The following GIMAP1 variants were observed in gnomAD, a reference collection of about 807,000 sequenced individuals.
GIMAP1 encodes GTPase, IMAP family member 1, also known as GTPase IMAP family member 1.
For synonymous variants in GIMAP1, 230 were observed against 187.7 expected (o/e 1.23, Z -1.84); for missense variants, 423 against 411.9 (o/e 1.03, Z -0.23).
Position 150,720,628 on chromosome 7 carries a change from C to T in GIMAP1, c.624C>T (p.Val208=), listed in dbSNP as rs769306361. 3.9e-5 allele frequency: 63 copies of T among 1,612,764 alleles called. No individual in the cohort carries two copies. Among genetic ancestry groups the T allele is most frequent in the Middle Eastern group, 1.7e-4 (1 of 6,050 alleles). Residue 208 remains valine (V), a synonymous_variant, in exon 3 of 3, where the codon GTC becomes GTT. Transcript: ENST00000307194. The surrounding 1 kb of genome is among the most constrained non-coding windows in gnomAD (Gnocchi z 4.5). The part of the protein sequence containing the change: ...EAQVEQLLGM[V]EGLVLEHKGA... ...AGGTGGAGCAGCTGCTGGGGATGGT[C>T]GAGGGCTTGGTGCTGGAGCACAAGG...
Position 150,720,248 on chromosome 7 carries a change from G to C in GIMAP1, c.244G>C (p.Asp82His). The change falls in exon 3 of 3, where the codon GAC becomes CAC. Residue 82 changes from aspartate to histidine, a missense_variant. Coordinates refer to ENST00000307194, the MANE Select transcript of GIMAP1 (RefSeq NM_130759.4). This position sits in a 1 kb window ranked among gnomAD's most constrained non-coding sequence, Gnocchi z 4.5. ...RWDKCHVEVV[D>H]TPDIFSSQVS... ...GGACAAGTGCCACGTGGAAGTCGTG[G>C]ACACTCCGGACATTTTCAGCTCCCA... The C allele has an allele frequency of 3.1e-6, 5 of 1,614,182 alleles. No homozygotes were observed. The highest frequency in any genetic ancestry group is 4.2e-6 in the Non-Finnish European group (5 of 1,180,032).
In GIMAP1 at chr7:150,720,709, C is replaced by T. The variant is rs1797287916; in HGVS notation, c.705C>T (p.Gly235=). ...YELAQVLRWA[G]PEERLRRVAE... is the part of the protein sequence containing the mutation. Reference sequence around the variant, plus strand: ...TGGCGCAGGTGCTGCGCTGGGCAGGCCCTGAGGAGCGGCTCCGGCGGGTGG... The same window carrying T: ...TGGCGCAGGTGCTGCGCTGGGCAGGTCCTGAGGAGCGGCTCCGGCGGGTGG... The change falls in exon 3 of 3, where the codon GGC becomes GGT. Residue 235 remains glycine, a synonymous_variant. Transcript: ENST00000307194. This position sits in a 1 kb window ranked among gnomAD's most constrained non-coding sequence, Gnocchi z 4.5. 1.9e-6 allele frequency: 3 copies of T among 1,579,924 alleles called. No homozygotes were observed.
In GIMAP1 at chr7:150,720,356, G is replaced by T. The variant is rs1208825151; in HGVS notation, c.352G>T (p.Val118Leu). 1 of 1,610,914 alleles carries T rather than the reference G, an allele frequency of 6.2e-7. No individual in the cohort carries two copies. Among genetic ancestry groups the T allele is most frequent in the Admixed American group, 1.7e-5 (1 of 59,792 alleles). The change falls in exon 3 of 3, where the codon GTG (valine) becomes TTG (leucine). Residue 118 changes from valine to leucine, a missense_variant. Coordinates refer to ENST00000307194, the MANE Select transcript of GIMAP1 (RefSeq NM_130759.4). The surrounding 1 kb of genome is among the most constrained non-coding windows in gnomAD (Gnocchi z 4.5). ...CCCCGGACCCCACGCGCTGCTCCTG[G>T]TGACCCAGTTGGGTCGGTTCACCGC... is the stretch of plus-strand genomic sequence containing the variant. ...SAPGPHALLL[V>L]TQLGRFTAQD...
intron 1 of GIMAP1, 46 bp from the exon 2 acceptor site, chr7:150,718,996 A>G: frequency 6.2e-7 from 1 of 1,612,538 alleles, no homozygotes; most frequent in Non-Finnish European, 8.5e-7. Context: ...TGCCTATTTG[A>G]GGAATAAATA....
rs900885355 is a variant in GIMAP1, at chr7:150,722,364, G to A, written c.*1439G>A. The A allele has an allele frequency of 3.9e-5, 6 of 153,038 alleles. No homozygotes were observed. Among genetic ancestry groups the A allele is most frequent in the African/African-American group, 1.2e-4 (5 of 41,490 alleles). The allele number at this position is 153,038 out of a possible 1,614,324, so 9.5% of individuals were successfully genotyped here. ...CAGCTCAGGCTAAGGACTGCAGGAG[G>A]TTCCAGGTGGGTTGCGGGCTTCGGG... On this transcript the variant is annotated 3_prime_UTR_variant, in exon 3 of 3. Coordinates refer to ENST00000307194, the MANE Select transcript of GIMAP1 (RefSeq NM_130759.4).
At position 150,724,078 on chromosome 7, in the gene GIMAP1, T is replaced by C. The variant is rs1035426993; in HGVS notation, c.*3153T>C. 6.6e-5 allele frequency: 10 copies of C among 152,146 alleles called. No individual in the cohort carries two copies. The highest frequency in any genetic ancestry group is 3.9e-4 in the Admixed American group (6 of 15,272). 9.4% of individuals were successfully genotyped at this position (152,146 alleles called of 1,614,324 possible). A position where few individuals can be genotyped will look rare whatever the true frequency, so the allele number is the denominator to read the frequency against. ...CAGTAGCCCTAGCAAATGCCAGTGCTCCTTCCAGAGATTCACCTATGGATT... is the reference window on the plus strand; with the variant it reads ...CAGTAGCCCTAGCAAATGCCAGTGCCCCTTCCAGAGATTCACCTATGGATT... On this transcript the variant is annotated 3_prime_UTR_variant, in exon 3 of 3. Coordinates refer to ENST00000307194, the MANE Select transcript of GIMAP1 (RefSeq NM_130759.4).
chr7:150,720,576 G>A lies in GIMAP1; in HGVS notation c.572G>A (p.Arg191Gln), dbSNP rs563802143. The A allele has an allele frequency of 3.9e-4, 634 of 1,613,728 alleles. 6 individuals are homozygous for A. In the South Asian group the frequency reaches 4.8e-3, roughly 12 times the overall value. ...GGCCGGGTCTGTGCCTTTGATAACC[G>A]GGCCACCGGCCGGGAGCAGGAAGCC... ...CGGRVCAFDN[R>Q]ATGREQEAQV... is the part of the protein sequence containing the mutation. Residue 191 changes from arginine to glutamine, a missense_variant, in exon 3 of 3, where the codon CGG becomes CAG. Arg to Gln is a conservative substitution (Grantham distance 43). Coordinates refer to ENST00000307194, the MANE Select transcript of GIMAP1 (RefSeq NM_130759.4). This position sits in a 1 kb window ranked among gnomAD's most constrained non-coding sequence, Gnocchi z 4.5.
chr7:150,717,437 G>A (rs574819815), intron 1 of GIMAP1, among the ~76,000 whole-genome samples: 2 of 152,240 alleles, frequency 1.3e-5, no homozygotes, highest in Admixed American at 6.5e-5. Flanking sequence ...ACATTTGAGC[G>A]GTGAAGAACT....
Position 150,719,174 on chromosome 7 carries a change from G to T in GIMAP1, c.43+84G>T, listed in dbSNP as rs1797257865. The T allele has an allele frequency of 6.4e-6, 10 of 1,571,380 alleles. 1 individual carries two copies. The South Asian group carries it at 1.1e-4, about 18-fold the overall frequency. On this transcript the variant is annotated intron_variant, in intron 2 of 2. Coordinates refer to ENST00000307194, the MANE Select transcript of GIMAP1 (RefSeq NM_130759.4). ...AGGAGAATGGGGCTTCCTCAAGACT[G>T]AACAGAGATAAGTTCCAGAGGTGTC...
chr7:150,718,594 AT>A (rs1401954937), intron 1 of GIMAP1, among the ~76,000 whole-genome samples: 3 of 152,198 alleles, frequency 2.0e-5, no homozygotes, highest in South Asian at 2.1e-4. Flanking sequence ...GTGATATAGA[AT>A]CACCCAGGGA....
Position 150,721,037 on chromosome 7 carries a change from T to C in GIMAP1, c.*112T>C. 1 of 1,069,160 alleles carries C rather than the reference T, an allele frequency of 9.4e-7. No individual in the cohort carries two copies. The highest frequency in any genetic ancestry group is 1.3e-6 in the Non-Finnish European group (1 of 791,794). The allele number at this position is 1,069,160 out of a possible 1,614,324, so 66.2% of individuals were successfully genotyped here. A position where few individuals can be genotyped will look rare whatever the true frequency, so the allele number is the denominator to read the frequency against. The stretch of plus-strand genomic sequence containing the variant: ...AATCCTGTAGTTTCAGGCATAGTTT[T>C]AATGACACAGAAAACTTTGCTGCAT... On this transcript the variant is annotated 3_prime_UTR_variant, in exon 3 of 3. Transcript: ENST00000307194.
At position 150,721,823 on chromosome 7, in the gene GIMAP1, GAA is replaced by G. The variant is rs1667398309; in HGVS notation, c.*902_*903del. 6.7e-6 allele frequency: 1 copy of G among 149,786 alleles called. No individual in the cohort carries two copies. The highest frequency in any genetic ancestry group is 2.5e-5 in the African/African-American group (1 of 40,586). The allele number at this position is 149,786 out of a possible 1,614,324, so 9.3% of individuals were successfully genotyped here. A position where few individuals can be genotyped will look rare whatever the true frequency, so the allele number is the denominator to read the frequency against. On this transcript the variant is annotated 3_prime_UTR_variant, in exon 3 of 3. Coordinates refer to ENST00000307194, the MANE Select transcript of GIMAP1 (RefSeq NM_130759.4). ...AAAAAAAAAGAAAAGAAAAGAAAAA[GAA>G]AAAGAGTAGGATATTGGGAAAATAA...
rs991606202 is a variant in GIMAP1, at chr7:150,722,021, A to G, written c.*1096A>G. On this transcript the variant is annotated 3_prime_UTR_variant, in exon 3 of 3. Transcript: ENST00000307194. ...TGAGCATCCTATGCTGTGAGGCGAA[A>G]GCATCCGGTTTTTTCGGGATGGGCC... 2.0e-5 allele frequency: 3 copies of G among 152,208 alleles called. No individual in the cohort carries two copies. The highest frequency in any genetic ancestry group is 1.3e-4 in the Admixed American group (2 of 15,276). The allele number at this position is 152,208 out of a possible 1,614,324, so 9.4% of individuals were successfully genotyped here.
intron 2 of GIMAP1, chr7:150,719,376 C>T: frequency 2.6e-6 from 1 of 389,092 alleles, no homozygotes; most frequent in Non-Finnish European, 4.6e-6. Context: ...TCATGCACTA[C>T]AGTGAACATG....
chr7:150,723,037 A>G lies in GIMAP1; in HGVS notation c.*2112A>G, dbSNP rs1339177083. The G allele has an allele frequency of 6.6e-6, 1 of 152,220 alleles. No individual in the cohort carries two copies. The highest frequency in any genetic ancestry group is 1.9e-4 in the East Asian group (1 of 5,196). 9.4% of individuals were successfully genotyped at this position (152,220 alleles called of 1,614,324 possible). A position where few individuals can be genotyped will look rare whatever the true frequency, so the allele number is the denominator to read the frequency against. On this transcript the variant is annotated 3_prime_UTR_variant, in exon 3 of 3. Coordinates refer to ENST00000307194, the MANE Select transcript of GIMAP1 (RefSeq NM_130759.4). ...TACCTCAGTAATAAAAAGTAGTAGT[A>G]TATGGTTAATTGTCAAATACATTTG... is the stretch of plus-strand genomic sequence containing the variant.
rs768610044 is a variant in GIMAP1, at chr7:150,720,715, G to A, written c.711G>A (p.Glu237=). The change falls in exon 3 of 3, where the codon GAG becomes GAA. Residue 237 remains glutamate (E), a synonymous_variant. Coordinates refer to ENST00000307194, the MANE Select transcript of GIMAP1 (RefSeq NM_130759.4). This position sits in a 1 kb window ranked among gnomAD's most constrained non-coding sequence, Gnocchi z 4.5. Reference sequence around the variant, plus strand: ...AGGTGCTGCGCTGGGCAGGCCCTGAGGAGCGGCTCCGGCGGGTGGCGGAGC... The same window carrying A: ...AGGTGCTGCGCTGGGCAGGCCCTGAAGAGCGGCTCCGGCGGGTGGCGGAGC... ...LAQVLRWAGP[E]ERLRRVAERV... is the part of the protein sequence containing the mutation. 4 of 1,578,382 alleles carry A rather than the reference G, an allele frequency of 2.5e-6. No homozygotes were observed. The highest frequency in any genetic ancestry group is 1.9e-5 in the Admixed American group (1 of 53,992).
Position 150,723,303 on chromosome 7 carries a change from G to A in GIMAP1, c.*2378G>A, listed in dbSNP as rs1797334240. 1 of 151,582 alleles carries A rather than the reference G, an allele frequency of 6.6e-6. No individual in the cohort carries two copies. Among genetic ancestry groups the A allele is most frequent in the African/African-American group, 2.4e-5 (1 of 41,244 alleles). The allele number at this position is 151,582 out of a possible 1,614,324, so 9.4% of individuals were successfully genotyped here. A position where few individuals can be genotyped will look rare whatever the true frequency, so the allele number is the denominator to read the frequency against. On this transcript the variant is annotated 3_prime_UTR_variant, in exon 3 of 3. Coordinates refer to ENST00000307194, the MANE Select transcript of GIMAP1 (RefSeq NM_130759.4). ...TCAACAAATGTTTGGAAAATGAATT[G>A]TAAAGTTGACTTTCCTGTACCTTTT... is the stretch of plus-strand genomic sequence containing the variant.
chr7:150,723,632 C>A lies in GIMAP1; in HGVS notation c.*2707C>A, dbSNP rs1167866421. On this transcript the variant is annotated 3_prime_UTR_variant, in exon 3 of 3. Transcript: ENST00000307194. ...CATAGCTCAAGGTTAGGCCTTGTGA[C>A]CTCACTTATGTAATTTGAGTGATTT... The A allele has an allele frequency of 6.6e-6, 1 of 152,104 alleles. No homozygotes were observed. Among genetic ancestry groups the A allele is most frequent in the African/African-American group, 2.4e-5 (1 of 41,388 alleles). The allele number at this position is 152,104 out of a possible 1,614,324, so 9.4% of individuals were successfully genotyped here. A position where few individuals can be genotyped will look rare whatever the true frequency, so the allele number is the denominator to read the frequency against.
intron 2 of GIMAP1, 142 bp downstream of exon 2, chr7:150,719,232 G>C: frequency 9.9e-7 from 1 of 1,012,422 alleles, no homozygotes; most frequent in Non-Finnish European, 1.5e-6. Flanking sequence ...CCAGCCCTGA[G>C]ATCTGCATTT....
Sources: allele counts gnomAD v4.1 joint callset (sites outside exome capture counted in the v4.1 genomes callset), GRCh38; gene constraint gnomAD v4.1.1; non-coding constraint Gnocchi (gnomAD v3.1); transcripts MANE v1.5; gene names NCBI Gene and HGNC (gene_info 2026-07-23, HGNC 2026-07-21).